Variants in OPCML observed in about 807,000 individuals in gnomAD.
The protein encoded by OPCML is opioid-binding protein/cell adhesion molecule.
OPCML carries 13 observed loss-of-function variants against 37.8 expected under a neutral mutation model. The ratio of observed to expected loss-of-function variants is 0.34; its 90% CI spans 0.22 to 0.55. The LOEUF (loss-of-function observed/expected upper bound fraction) is 0.55. Among genes scored for constraint, OPCML ranks in the 20% least tolerant of loss-of-function variants. The pLI, the probability that OPCML is intolerant of heterozygous loss-of-function variation, is 0.91. For synonymous variants in OPCML, 176 were observed against 168.8 expected, an observed-to-expected ratio of 1.04 and a Z score of -0.33; for missense variants, 341 against 435.6, an observed-to-expected ratio of 0.78 and a Z score of 1.93.
chr11:132,949,361 G>A (rs185211914), intron 1 of OPCML, among the ~76,000 whole-genome samples: 247 of 152,342 alleles, frequency 1.6e-3, no homozygotes, highest in African/African-American at 5.7e-3. Flanking sequence ...CCTGTAAGAA[G>A]CAGCTGAACA....
In OPCML at chr11:132,640,561, C is replaced by T. The variant is rs567153360; in HGVS notation, c.379+16526G>A. Reference sequence around the variant, plus strand: ...TATTGATTACTCATTACATGCCAGACGCATTCAATAAGCATTTTTGAGCGT... The same window carrying T: ...TATTGATTACTCATTACATGCCAGATGCATTCAATAAGCATTTTTGAGCGT... On this transcript the variant is annotated intron_variant, in intron 3 of 7. Transcript: ENST00000524381. Among the ~76,000 whole-genome samples the T allele has an allele frequency of 6.6e-5, 10 of 152,290 alleles. No homozygotes were observed. The South Asian group carries it at 1.4e-3, about 22-fold the overall frequency.
chr11:133,182,679 G>A (rs1937891834), intron 1 of OPCML, among the ~76,000 whole-genome samples: 2 of 152,334 alleles, frequency 1.3e-5, no homozygotes, highest in South Asian at 2.1e-4. Flanking sequence ...CCAGAGCGGA[G>A]ATGCCAAGAG....
At chr11:132,511,238 C>T (rs7106749) in intron 4 of OPCML, among the ~76,000 whole-genome samples, 31,766 of 151,934 alleles carry the variant, frequency 0.21, 3,419 homozygotes, top group Non-Finnish European at 0.23. Flanking sequence ...TTTGGAACCA[C>T]ACACTGAAAG....
intron 1 of OPCML, among the ~76,000 whole-genome samples, chr11:133,255,627 G>A (rs187959258): frequency 6.6e-6 from 1 of 152,242 alleles, no homozygotes; most frequent in Admixed American, 6.5e-5. Context: ...ATTAAAAAGA[G>A]GGGATTAATA....
chr11:133,512,068 C>T (rs935413909), intron 1 of OPCML, among the ~76,000 whole-genome samples: 4 of 152,158 alleles, frequency 2.6e-5, no homozygotes, highest in African/African-American at 9.7e-5. Flanking sequence ...TGATGAACAC[C>T]AGCTGGGTGT....
intron 1 of OPCML, among the ~76,000 whole-genome samples, chr11:132,955,721 A>C (rs1193530144): frequency 6.6e-6 from 1 of 152,102 alleles, no homozygotes. Context: ...ACCTCAACTA[A>C]AAATACAAAA....
chr11:133,329,789 A>G (rs1943573532), intron 1 of OPCML, among the ~76,000 whole-genome samples: 1 of 152,232 alleles, frequency 6.6e-6, no homozygotes, highest in African/African-American at 2.4e-5. Context: ...CAAGGACTTC[A>G]TGTCTAAAAC....
intron 3 of OPCML, among the ~76,000 whole-genome samples, chr11:132,634,432 G>A (rs976542391): frequency 1.3e-5 from 2 of 152,170 alleles, no homozygotes; most frequent in African/African-American, 4.8e-5. Context: ...ATACTTTTGA[G>A]TTCTCATTCC....
chr11:133,203,312 T>A (rs1938884341), intron 1 of OPCML, among the ~76,000 whole-genome samples: 1 of 152,130 alleles, frequency 6.6e-6, no homozygotes, highest in South Asian at 2.1e-4. Context: ...AGACCTAGAG[T>A]AGATTCTCTA....
intron 4 of OPCML, among the ~76,000 whole-genome samples, chr11:132,444,228 C>A (rs142879668): frequency 2.0e-5 from 3 of 152,170 alleles, no homozygotes; most frequent in African/African-American, 4.8e-5. Flanking sequence ...TTCACCATGA[C>A]GTTGGTCACC....
At position 133,471,517 on chromosome 11, in the gene OPCML, C is replaced by T. The variant is rs571470250; in HGVS notation, c.61+60747G>A. ...ACTGAGAACTAATGACATTGATCATCTTGGGAGAGGGGAACTGGTTGGCTG... is the reference window on the plus strand; with the variant it reads ...ACTGAGAACTAATGACATTGATCATTTTGGGAGAGGGGAACTGGTTGGCTG... On this transcript the variant is annotated intron_variant, in intron 1 of 7. Transcript: ENST00000524381. Among the ~76,000 whole-genome samples the T allele has an allele frequency of 3.9e-5, 6 of 152,232 alleles. No homozygotes were observed. The South Asian group carries it at 1.2e-3, about 32-fold the overall frequency.
chr11:132,902,843 C>A (rs1371883111), intron 2 of OPCML, among the ~76,000 whole-genome samples: 1 of 152,124 alleles, frequency 6.6e-6, no homozygotes, highest in African/African-American at 2.4e-5. Context: ...AAGTTGTCAC[C>A]ACACCCAGAT....
intron 2 of OPCML, among the ~76,000 whole-genome samples, chr11:132,829,093 G>A (rs916022251): frequency 1.3e-5 from 2 of 152,140 alleles, no homozygotes; most frequent in African/African-American, 4.8e-5. Flanking sequence ...GCTTCCATCA[G>A]AAGGTTTGAG....
chr11:132,573,184 A>G (rs1225301439), intron 3 of OPCML, among the ~76,000 whole-genome samples: 2 of 151,728 alleles, frequency 1.3e-5, no homozygotes, highest in Non-Finnish European at 2.9e-5. Context: ...TAGTCTCCAA[A>G]CAGTTATAAT....
intron 1 of OPCML, among the ~76,000 whole-genome samples, chr11:133,163,616 G>A (rs1182914359): frequency 1.3e-5 from 2 of 152,166 alleles, no homozygotes; most frequent in African/African-American, 4.8e-5. Flanking sequence ...CCTCTTCTCC[G>A]TCTTTCTGGC....
At chr11:132,715,710 C>T (rs1304607097) in intron 2 of OPCML, among the ~76,000 whole-genome samples, 1 of 152,100 alleles carries the variant, frequency 6.6e-6, no homozygotes, top group Non-Finnish European at 1.5e-5. Flanking sequence ...ACACTAGCAC[C>T]CTGGTTTTGG....
intron 1 of OPCML, among the ~76,000 whole-genome samples, chr11:133,030,097 T>G (rs1414797486): frequency 1.3e-5 from 2 of 152,118 alleles, no homozygotes; most frequent in African/African-American, 2.4e-5. Flanking sequence ...AGAAATGCCC[T>G]CTTCTGGCCA....
chr11:132,828,899 T>G (rs1940523112), intron 2 of OPCML, among the ~76,000 whole-genome samples: 1 of 152,234 alleles, frequency 6.6e-6, no homozygotes, highest in Non-Finnish European at 1.5e-5. Context: ...CTGTGGCAGA[T>G]GTTGAAGACA....
chr11:133,431,483 G>A (rs575808339), intron 1 of OPCML, among the ~76,000 whole-genome samples: 3 of 151,730 alleles, frequency 2.0e-5, no homozygotes, highest in East Asian at 1.9e-4. Context: ...GTTTGTTTTC[G>A]ACGCGGAGTT....
Sources: allele counts gnomAD v4.1 joint callset (sites outside exome capture counted in the v4.1 genomes callset), GRCh38; gene constraint gnomAD v4.1.1; transcripts MANE v1.5; gene names NCBI Gene and HGNC (gene_info 2026-07-23, HGNC 2026-07-21).